Variants in FMN1 observed in about 807,000 individuals in gnomAD.
FMN1 encodes the protein formin 1.
FMN1 carries 110 observed loss-of-function variants against 132.4 expected under a neutral mutation model. The observed-to-expected ratio is 0.83, with a 90% CI of 0.71 to 0.97. The LOEUF (loss-of-function observed/expected upper bound fraction) is 0.97, where lower values mean the gene tolerates loss of function less well. Ranked by LOEUF, FMN1 falls within the 50% of genes least tolerant of loss-of-function variation. The pLI is 0.00. For synonymous variants in FMN1, 722 were observed against 651.7 expected (o/e 1.11, Z -1.64); for missense variants, 1,792 against 1,705.3 (o/e 1.05, Z -0.90).
intron 6 of FMN1, among the ~76,000 whole-genome samples, chr15:33,035,156 T>G (rs551082389): frequency 1.3e-5 from 2 of 152,202 alleles, no homozygotes; most frequent in Non-Finnish European, 2.9e-5. Context: ...TATTATCACA[T>G]TAAATAACAG....
At chr15:33,048,516 A>G (rs1329554666) in intron 6 of FMN1, among the ~76,000 whole-genome samples, 1 of 151,692 alleles carries the variant, frequency 6.6e-6, no homozygotes, top group Non-Finnish European at 1.5e-5. Flanking sequence ...AGTTACCATT[A>G]TATCATGTAA....
chr15:33,095,105 T>C (rs1451830055), intron 4 of FMN1, among the ~76,000 whole-genome samples: 1 of 152,160 alleles, frequency 6.6e-6, no homozygotes, highest in Non-Finnish European at 1.5e-5. Context: ...TCCAGCACTT[T>C]GGGAAGCTGA....
intron 17 of FMN1, among the ~76,000 whole-genome samples, chr15:32,835,902 C>A (rs917850974): frequency 2.6e-5 from 4 of 151,878 alleles, no homozygotes; most frequent in African/African-American, 9.7e-5. Flanking sequence ...ACTCTGTTAC[C>A]CAGGCCGGAG....
chr15:33,137,087 CAAAAAAAAAAA>C (rs3082373), intron 4 of FMN1, among the ~76,000 whole-genome samples: 1 of 52,424 alleles, frequency 1.9e-5, no homozygotes, highest in Non-Finnish European at 3.3e-5. Context: ...GACCCCGTCT[CAAAAAAAAAAA>C]AAAAAAAAAA....
At chr15:32,821,276 T>C (rs1337529310) in intron 17 of FMN1, among the ~76,000 whole-genome samples, 2 of 151,886 alleles carry the variant, frequency 1.3e-5, no homozygotes, top group African/African-American at 2.4e-5. Context: ...TATGAATATA[T>C]TTAGATTAAT....
intron 6 of FMN1, among the ~76,000 whole-genome samples, chr15:33,041,917 T>G (rs1300551994): frequency 2.6e-5 from 4 of 152,064 alleles, no homozygotes; most frequent in Admixed American, 1.3e-4. Context: ...TTCACAGTGT[T>G]TTTTTTCACC....
Position 32,768,870 on chromosome 15 carries a change from A to G in FMN1, c.*5440T>C, listed in dbSNP as rs577928428. On this transcript the variant is annotated 3_prime_UTR_variant, in exon 21 of 21. Transcript: ENST00000616417. ...TCTAACACCTTCATATAAAAATGGA[A>G]TAAAAGTCAATCTTCCCCACATCAA... 6.6e-6 allele frequency: 1 copy of G among 152,360 alleles called. No homozygotes were observed. Among genetic ancestry groups the G allele is most frequent in the South Asian group, 2.1e-4 (1 of 4,832 alleles). The allele number at this position is 152,360 out of a possible 1,614,324, so 9.4% of individuals were successfully genotyped here. A position where few individuals can be genotyped will look rare whatever the true frequency, so the allele number is the denominator to read the frequency against.
At chr15:33,119,644 A>C (rs770057190) in intron 4 of FMN1, among the ~76,000 whole-genome samples, 14 of 152,300 alleles carry the variant, frequency 9.2e-5, no homozygotes, top group Non-Finnish European at 1.6e-4. Flanking sequence ...AGAAGTGATC[A>C]CTCTGTTTTA....
intron 9 of FMN1, among the ~76,000 whole-genome samples, chr15:32,929,652 C>T (rs910421042): frequency 2.9e-4 from 44 of 152,158 alleles, no homozygotes; most frequent in African/African-American, 9.9e-4. Context: ...TTGACCACCA[C>T]GGATACCTCA....
At chr15:33,101,342 T>C (rs561515509) in intron 4 of FMN1, among the ~76,000 whole-genome samples, 3 of 152,272 alleles carry the variant, frequency 2.0e-5, no homozygotes, top group East Asian at 3.9e-4. Flanking sequence ...TATACTTACC[T>C]ACATAATCCT....
At chr15:33,169,173 G>T (rs141643240) in intron 3 of FMN1, among the ~76,000 whole-genome samples, 2,135 of 152,130 alleles carry the variant, frequency 0.014, 49 homozygotes, top group African/African-American at 0.049. Context: ...AACATAAAAA[G>T]GACATTACTT....
At chr15:33,190,917 TC>T (rs1192915291) in intron 2 of FMN1, among the ~76,000 whole-genome samples, 2 of 152,074 alleles carry the variant, frequency 1.3e-5, no homozygotes, top group Non-Finnish European at 2.9e-5. Flanking sequence ...ACGCCTGTAA[TC>T]CCAGCACTTT....
At chr15:33,143,796 T>A (rs1336814169) in intron 4 of FMN1, among the ~76,000 whole-genome samples, 2 of 152,192 alleles carry the variant, frequency 1.3e-5, no homozygotes, top group Non-Finnish European at 2.9e-5. Context: ...TACCTATTAA[T>A]TTACTGTTTA....
intron 4 of FMN1, among the ~76,000 whole-genome samples, chr15:33,127,436 A>C (rs1203653897): frequency 6.6e-6 from 1 of 152,258 alleles, no homozygotes; most frequent in Non-Finnish European, 1.5e-5. Flanking sequence ...TGAGTTAATG[A>C]GTGAACCTAC....
intron 5 of FMN1, among the ~76,000 whole-genome samples, chr15:33,071,333 G>A (rs1034540145): frequency 6.6e-6 from 1 of 152,118 alleles, no homozygotes; most frequent in Non-Finnish European, 1.5e-5. Flanking sequence ...GAAGAGACAC[G>A]GAATCCTCTG....
chr15:32,980,024 G>A (rs1456380593), intron 7 of FMN1, among the ~76,000 whole-genome samples: 1 of 152,132 alleles, frequency 6.6e-6, no homozygotes, highest in Non-Finnish European at 1.5e-5. Context: ...CCATTGAATG[G>A]GTTTTACGTT....
At chr15:33,158,764 G>T (rs967976383) in intron 3 of FMN1, among the ~76,000 whole-genome samples, 2 of 152,208 alleles carry the variant, frequency 1.3e-5, no homozygotes, top group Non-Finnish European at 2.9e-5. Flanking sequence ...GTAAAGTAGA[G>T]AGTAGACAAG....
At chr15:33,116,946 TTAC>T (rs1275414421) in intron 4 of FMN1, among the ~76,000 whole-genome samples, 3 of 152,146 alleles carry the variant, frequency 2.0e-5, no homozygotes, top group Non-Finnish European at 4.4e-5. Flanking sequence ...ATGCTTATTA[TTAC>T]TATTGTTTCC....
At chr15:32,794,038 G>A (rs74011982) in intron 19 of FMN1, among the ~76,000 whole-genome samples, 4,723 of 152,192 alleles carry the variant, frequency 0.031, 245 homozygotes, top group African/African-American at 0.11. Flanking sequence ...GGAGCTCTGA[G>A]AACAGCTTTC....
Sources: gnomAD v4.1 joint callset for allele counts (sites outside exome capture counted in the v4.1 genomes callset) on GRCh38, gnomAD v4.1.1 for gene constraint, MANE v1.5 for transcripts, NCBI Gene and HGNC (gene_info 2026-07-23, HGNC 2026-07-21) for gene names.